Variants in CDH13 observed in about 807,000 individuals in gnomAD.
The protein encoded by CDH13 is cadherin 13, also known as cadherin-13.
Under a neutral mutation model 63.8 loss-of-function variants are expected in CDH13, and 24 were observed. The observed-to-expected ratio is 0.38, with a 90% CI of 0.27 to 0.53. The LOEUF (loss-of-function observed/expected upper bound fraction) is 0.53, where lower values mean the gene tolerates loss of function less well. CDH13 is among the 20% of genes least tolerant of loss of function. The pLI is 0.85. For synonymous variants in CDH13, 503 were observed against 355.3 expected, an observed-to-expected ratio of 1.42 and a Z score of -4.67; for missense variants, 1,049 against 903.1, an observed-to-expected ratio of 1.16 and a Z score of -2.07.
At chr16:83,290,114 G>T (rs921364364) in intron 5 of CDH13, among the ~76,000 whole-genome samples, 1 of 152,162 alleles carries the variant, frequency 6.6e-6, no homozygotes, top group Non-Finnish European at 1.5e-5. Context: ...AGTCATCATG[G>T]TTAGTCAGAT....
At chr16:83,349,697 T>G (rs1183574960) in intron 6 of CDH13, among the ~76,000 whole-genome samples, 1 of 152,098 alleles carries the variant, frequency 6.6e-6, no homozygotes, top group Non-Finnish European at 1.5e-5. Context: ...GCCTCCTGCA[T>G]TCAAGCAATT....
chr16:83,391,171 C>T (rs566432403), intron 6 of CDH13, among the ~76,000 whole-genome samples: 2 of 152,054 alleles, frequency 1.3e-5, no homozygotes, highest in East Asian at 3.8e-4. Context: ...TCTTTAGTAT[C>T]CTTCTGTGAC....
At chr16:83,431,023 T>C (rs2072085403) in intron 6 of CDH13, among the ~76,000 whole-genome samples, 1 of 141,582 alleles carries the variant, frequency 7.1e-6, no homozygotes, top group Non-Finnish European at 1.5e-5. Flanking sequence ...TGTGTCCATG[T>C]GTTCTCATTG....
At chr16:83,026,604 G>A (rs946686074) in intron 2 of CDH13, among the ~76,000 whole-genome samples, 12 of 151,850 alleles carry the variant, frequency 7.9e-5, no homozygotes, top group African/African-American at 2.4e-4. Flanking sequence ...GTGGCAATTA[G>A]AAAAAAATAC....
chr16:83,264,522 ATATATG>A (rs1567549084), intron 5 of CDH13, among the ~76,000 whole-genome samples: 1 of 146,740 alleles, frequency 6.8e-6, no homozygotes, highest in Non-Finnish European at 1.5e-5. Context: ...GTGTATATGT[ATATATG>A]TATATGTGTG....
intron 1 of CDH13, among the ~76,000 whole-genome samples, chr16:82,728,815 C>G (rs1054580523): frequency 6.6e-6 from 1 of 152,138 alleles, no homozygotes; most frequent in African/African-American, 2.4e-5. Flanking sequence ...AGCATTTTAC[C>G]CACAGTAGAA....
chr16:82,718,037 A>G (rs568551065), intron 1 of CDH13, among the ~76,000 whole-genome samples: 1 of 152,348 alleles, frequency 6.6e-6, no homozygotes, highest in African/African-American at 2.4e-5. Flanking sequence ...AGACCCTGCA[A>G]CGATGATTTG....
At chr16:82,935,750 A>G (rs946618115) in intron 2 of CDH13, among the ~76,000 whole-genome samples, 1 of 152,068 alleles carries the variant, frequency 6.6e-6, no homozygotes, top group African/African-American at 2.4e-5. Context: ...GAAAGTGGCT[A>G]TGTTGCCTGG....
chr16:82,684,438 G>A (rs1015916406), intron 1 of CDH13, among the ~76,000 whole-genome samples: 12 of 152,132 alleles, frequency 7.9e-5, no homozygotes, highest in African/African-American at 2.9e-4. Flanking sequence ...TCTGCGGTGA[G>A]CAAGATTCTA....
chr16:82,815,904 T>C (rs184328075), intron 1 of CDH13, among the ~76,000 whole-genome samples: 32 of 152,308 alleles, frequency 2.1e-4, no homozygotes, highest in African/African-American at 7.7e-4. Flanking sequence ...AAACGGAAAA[T>C]GTCATTCTTT....
chr16:82,673,223 G>C (rs1428866437), intron 1 of CDH13, among the ~76,000 whole-genome samples: 1 of 151,916 alleles, frequency 6.6e-6, no homozygotes, highest in Admixed American at 6.6e-5. Context: ...GCAGGTGTTT[G>C]ATTAATTTCC....
At chr16:82,788,567 C>T (rs955751648) in intron 1 of CDH13, among the ~76,000 whole-genome samples, 1 of 152,212 alleles carries the variant, frequency 6.6e-6, no homozygotes, top group African/African-American at 2.4e-5. Flanking sequence ...CGGAGGAACA[C>T]TTACATTTTC....
intron 6 of CDH13, among the ~76,000 whole-genome samples, chr16:83,359,321 A>C (rs997111053): frequency 6.6e-6 from 1 of 152,214 alleles, no homozygotes; most frequent in South Asian, 2.1e-4. Context: ...CAATGCCCCA[A>C]AAGGATGGCT....
intron 2 of CDH13, among the ~76,000 whole-genome samples, chr16:83,001,524 A>G (rs538432058): frequency 1.3e-5 from 2 of 152,374 alleles, no homozygotes; most frequent in African/African-American, 4.8e-5. Context: ...GGCCTCAGCC[A>G]GGGAGCTGCC....
At chr16:83,577,078 A>G (rs1905132552) in intron 7 of CDH13, among the ~76,000 whole-genome samples, 2 of 152,220 alleles carry the variant, frequency 1.3e-5, no homozygotes, top group Admixed American at 1.3e-4. Flanking sequence ...GCAATTACTA[A>G]TTTATAGCTC....
intron 6 of CDH13, among the ~76,000 whole-genome samples, chr16:83,476,484 C>T (rs1175481347): frequency 6.6e-6 from 1 of 152,162 alleles, no homozygotes; most frequent in Non-Finnish European, 1.5e-5. Flanking sequence ...ACCAGCCTGG[C>T]CAACATGGTA....
chr16:83,212,751 A>AG (rs1180465427), intron 4 of CDH13, among the ~76,000 whole-genome samples: 2 of 152,058 alleles, frequency 1.3e-5, no homozygotes, highest in Admixed American at 6.6e-5. Context: ...TCACCTGGGG[A>AG]GGGGGGATTG....
chr16:83,097,745 T>A lies in CDH13; in HGVS notation c.367-27640T>A, dbSNP rs79428446. Among the ~76,000 whole-genome samples the A allele has an allele frequency of 6.6e-3, 998 of 152,332 alleles. 17 individuals carry two copies. Among genetic ancestry groups the A allele is most frequent in the African/African-American group, 0.021 (890 of 41,586 alleles). On this transcript the variant is annotated intron_variant, in intron 3 of 13. Coordinates refer to ENST00000567109, the MANE Select transcript of CDH13 (RefSeq NM_001257.5). The stretch of plus-strand genomic sequence containing the variant: ...AAATTTGTTCGTAAAGAGCAACTAG[T>A]TGCATTTGATCTAAAGTAGATGATT...
At chr16:83,260,097 T>TACACACACACACACAC (rs61647390) in intron 5 of CDH13, among the ~76,000 whole-genome samples, 3 of 126,522 alleles carry the variant, frequency 2.4e-5, no homozygotes, top group East Asian at 2.4e-4. Context: ...GTACCCCCAA[T>TACACACACACACACAC]ACACACACAC....
Sources: gnomAD v4.1 joint callset for allele counts (sites outside exome capture counted in the v4.1 genomes callset) on GRCh38, gnomAD v4.1.1 for gene constraint, MANE v1.5 for transcripts, NCBI Gene and HGNC (gene_info 2026-07-23, HGNC 2026-07-21) for gene names.